FMN2: variants seen among roughly 807,000 people sequenced by gnomAD.
FMN2 encodes the protein formin 2, also known as formin-2.
FMN2 carries 51 observed loss-of-function variants against 142.3 expected under a neutral mutation model. That is an observed-to-expected ratio of 0.36 (90% confidence interval 0.29 to 0.45). FMN2 has a LOEUF of 0.45. Among genes scored for constraint, FMN2 ranks in the 20% least tolerant of loss-of-function variants. The pLI, the probability that FMN2 is intolerant of heterozygous loss-of-function variation, is 1.00. For synonymous variants in FMN2, 882 were observed against 869.8 expected (o/e 1.01, Z -0.25); for missense variants, 1,936 against 2,122.8 (o/e 0.91, Z 1.73).
intron 16 of FMN2, among the ~76,000 whole-genome samples, chr1:240,461,260 G>A (rs1676441882): frequency 6.6e-6 from 1 of 152,148 alleles, no homozygotes; most frequent in Non-Finnish European, 1.5e-5. Flanking sequence ...ATCCTGAACA[G>A]GTAATTTGGC....
chr1:240,113,569 A>AAT (rs1553326051), intron 1 of FMN2, among the ~76,000 whole-genome samples: 3 of 151,440 alleles, frequency 2.0e-5, no homozygotes, highest in African/African-American at 7.3e-5. Flanking sequence ...AAAAAAAAAA[A>AAT]AAAAAAAAAA....
At chr1:240,114,660 T>G (rs1571940234) in intron 1 of FMN2, among the ~76,000 whole-genome samples, 1 of 149,826 alleles carries the variant, frequency 6.7e-6, no homozygotes, top group South Asian at 2.1e-4. Context: ...TCATTTCTTT[T>G]TTTTTTTTTT....
At chr1:240,109,128 C>A (rs1254312664) in intron 1 of FMN2, among the ~76,000 whole-genome samples, 1 of 152,202 alleles carries the variant, frequency 6.6e-6, no homozygotes, top group East Asian at 1.9e-4. Context: ...AAGTTTCAAA[C>A]AGATGATTAA....
chr1:240,412,849 C>T (rs558551239), intron 15 of FMN2, among the ~76,000 whole-genome samples: 20 of 151,938 alleles, frequency 1.3e-4, no homozygotes, highest in African/African-American at 4.6e-4. Flanking sequence ...AGGCCTGGTG[C>T]GGTGGCTCAT....
At chr1:240,258,092 T>C (rs1668510573) in intron 7 of FMN2, 60 bp downstream of exon 7, 6 of 1,265,644 alleles carry the variant, frequency 4.7e-6, no homozygotes, top group South Asian at 1.3e-5. Context: ...AGGGATATGA[T>C]GTTTGTTGGT....
intron 6 of FMN2, among the ~76,000 whole-genome samples, chr1:240,217,315 T>C (rs1200675895): frequency 6.6e-6 from 1 of 152,208 alleles, no homozygotes; most frequent in Admixed American, 6.5e-5. Context: ...GAATGATAAT[T>C]TGTGTTATAG....
intron 16 of FMN2, among the ~76,000 whole-genome samples, chr1:240,452,355 G>A (rs1275855937): frequency 6.6e-6 from 1 of 152,072 alleles, no homozygotes. Flanking sequence ...GAAAAAAATG[G>A]TTCAGAGATG....
chr1:240,271,896 C>T lies in FMN2; in HGVS notation c.4153+13864C>T, dbSNP rs139887634. ...GTCAAATGAATTATAATGTCTTTTA[C>T]TACAAGTTCAGCAAAAAACTTGGGT... is the stretch of plus-strand genomic sequence containing the variant. On this transcript the variant is annotated intron_variant, in intron 7 of 17. Transcript: ENST00000319653. Among the ~76,000 whole-genome samples the T allele has an allele frequency of 3.1e-3, 472 of 152,190 alleles. 1 individual carries two copies. Among genetic ancestry groups the T allele is most frequent in the African/African-American group, 0.011 (460 of 41,536 alleles).
At chr1:240,241,825 C>CTTCTTTTTTTTTTTTTT (rs1667908718) in intron 6 of FMN2, among the ~76,000 whole-genome samples, 2 of 96,202 alleles carry the variant, frequency 2.1e-5, no homozygotes, top group Non-Finnish European at 4.3e-5. Flanking sequence ...GTGTGCCTTG[C>CTTCTTTTTTTTTTTTTT]TTTTTTTTTT....
rs139417804 is a variant in FMN2, at chr1:240,450,580, G to A, written c.5060+12370G>A. ...CCGGCCCCAGCCACGTTCCACCTCCGATTGATTATAGAGGTCGCTCCCTTC... is the reference window on the plus strand; with the variant it reads ...CCGGCCCCAGCCACGTTCCACCTCCAATTGATTATAGAGGTCGCTCCCTTC... On this transcript the variant is annotated intron_variant, in intron 16 of 17. Transcript: ENST00000319653. 3.6e-4 allele frequency among the ~76,000 whole-genome samples: 55 copies of A among 152,252 alleles called. No individual in the cohort carries two copies. The East Asian group carries it at 0.01, about 28-fold the overall frequency.
intron 2 of FMN2, among the ~76,000 whole-genome samples, chr1:240,151,086 T>G (rs10926144): frequency 0.01 from 1,534 of 152,366 alleles, 29 homozygotes; most frequent in African/African-American, 0.036. Flanking sequence ...CCAATTGTTA[T>G]GTTGATTTAA....
intron 8 of FMN2, among the ~76,000 whole-genome samples, chr1:240,303,083 C>T (rs1240216068): frequency 1.3e-5 from 2 of 151,556 alleles, no homozygotes; most frequent in East Asian, 3.9e-4. Flanking sequence ...AAGTATATTT[C>T]CCTTCTTATT....
intron 16 of FMN2, among the ~76,000 whole-genome samples, chr1:240,441,271 G>T (rs1437788316): frequency 6.6e-6 from 1 of 152,048 alleles, no homozygotes; most frequent in African/African-American, 2.4e-5. Flanking sequence ...GGGATTACAG[G>T]CGTGAGCCAC....
At chr1:240,179,650 GA>G (rs1204985388) in intron 3 of FMN2, 1 of 152,216 alleles carries the variant, frequency 6.6e-6, no homozygotes, top group East Asian at 1.9e-4. Flanking sequence ...GATAGCACCT[GA>G]AAATCAAGCA....
chr1:240,282,206 A>G (rs1007531430), intron 7 of FMN2, among the ~76,000 whole-genome samples: 5 of 152,170 alleles, frequency 3.3e-5, no homozygotes, highest in African/African-American at 1.2e-4. Flanking sequence ...CATGTGAATA[A>G]ACCAAAGCTC....
rs775094543 is a variant in FMN2, at chr1:240,092,735, A to G, written c.626A>G (p.Gln209Arg). 5.6e-6 allele frequency: 9 copies of G among 1,612,878 alleles called. No homozygotes were observed. The Admixed American group carries it at 1.3e-4, about 24-fold the overall frequency. ...IQQAIRLQQQ[Q>R]QQQLQLQLQQ... ...CAGGCGATCCGCCTGCAGCAGCAGCAGCAGCAGCAGCTCCAGCTCCAGCTC... is the reference window on the plus strand; with the variant it reads ...CAGGCGATCCGCCTGCAGCAGCAGCGGCAGCAGCAGCTCCAGCTCCAGCTC... Residue 209 changes from glutamine to arginine, a missense_variant, in exon 1 of 18, where the codon CAG becomes CGG. Gln to Arg is a conservative substitution (Grantham distance 43). Transcript: ENST00000319653.
chr1:240,187,316 A>G (rs1325033194), intron 3 of FMN2, among the ~76,000 whole-genome samples: 3 of 151,512 alleles, frequency 2.0e-5, no homozygotes. Flanking sequence ...AAAACCAAAA[A>G]CAGTGACTGC....
At chr1:240,158,948 T>C (rs1664147983) in intron 2 of FMN2, among the ~76,000 whole-genome samples, 1 of 152,170 alleles carries the variant, frequency 6.6e-6, no homozygotes, top group Admixed American at 6.5e-5. Flanking sequence ...TTATATATAG[T>C]CTTTTATCTG....
At chr1:240,290,222 A>C (rs1669732204) in intron 7 of FMN2, among the ~76,000 whole-genome samples, 1 of 152,200 alleles carries the variant, frequency 6.6e-6, no homozygotes, top group African/African-American at 2.4e-5. Context: ...ATTTTGAGAC[A>C]TTTTAAATAT....
Sources: gnomAD v4.1 joint callset for allele counts (sites outside exome capture counted in the v4.1 genomes callset) on GRCh38, gnomAD v4.1.1 for gene constraint, MANE v1.5 for transcripts, NCBI Gene and HGNC (gene_info 2026-07-23, HGNC 2026-07-21) for gene names.